Variants in LRRC37A3 observed in about 807,000 individuals in gnomAD.
LRRC37A3 encodes leucine-rich repeat-containing protein 37A3.
A neutral mutation model predicts 106.2 loss-of-function variants in LRRC37A3; 25 were observed. That is an observed-to-expected ratio of 0.24 (90% confidence interval 0.17 to 0.33). The LOEUF is 0.33. LRRC37A3 is among the 10% of genes least tolerant of loss of function. The probability of loss-of-function intolerance (pLI) is 1.00; values close to 1 mark genes in which losing one functional copy is unlikely to be tolerated. For missense variants in LRRC37A3, 712 were observed against 1,644.9 expected, an observed-to-expected ratio of 0.43 and a Z score of 9.81; for synonymous variants, 305 against 635.8, an observed-to-expected ratio of 0.48 and a Z score of 7.83.
At chr17:64,866,612 ATATATATATATATATATTT>A (rs1412014872) in intron 10 of LRRC37A3, among the ~76,000 whole-genome samples, 6 of 21,350 alleles carry the variant, frequency 2.8e-4, no homozygotes, top group African/African-American at 1.3e-3. Context: ...ATATATATAT[ATATATATATATATATATTT>A]TTTTTTTTTT....
At chr17:64,859,055 T>A (rs1024675009) in intron 12 of LRRC37A3, among the ~76,000 whole-genome samples, 172 bp from the exon 13 acceptor site, 11 of 152,050 alleles carry the variant, frequency 7.2e-5, no homozygotes, top group Non-Finnish European at 1.0e-4. Flanking sequence ...TGGGCTCAGG[T>A]GATCCTCCCA....
chr17:64,866,628 A>ATTTTTTT (rs1183521580), intron 10 of LRRC37A3, among the ~76,000 whole-genome samples: 1 of 17,868 alleles, frequency 5.6e-5, no homozygotes, highest in Non-Finnish European at 8.6e-5. Flanking sequence ...ATATATATAT[A>ATTTTTTT]TTTTTTTTTT....
Position 64,854,562 on chromosome 17 carries a change from T to A in LRRC37A3, c.*37A>T, listed in dbSNP as rs1972611070. The A allele has an allele frequency of 6.2e-7, 1 of 1,613,694 alleles. No individual in the cohort carries two copies. The highest frequency in any genetic ancestry group is 1.3e-5 in the African/African-American group (1 of 74,888). ...TGATGGCCGTTGTTTACGCTATGTATTTTTGCAGGAGGCCTGAGGTGGGCT... is the reference window on the plus strand; with the variant it reads ...TGATGGCCGTTGTTTACGCTATGTAATTTTGCAGGAGGCCTGAGGTGGGCT... On this transcript the variant is annotated 3_prime_UTR_variant, in exon 15 of 15. Coordinates refer to ENST00000584306, the MANE Select transcript of LRRC37A3 (RefSeq NM_199340.5).
At chr17:64,855,601 T>C (rs1042992969) in intron 14 of LRRC37A3, among the ~76,000 whole-genome samples, 11 of 150,902 alleles carry the variant, frequency 7.3e-5, no homozygotes, top group African/African-American at 2.5e-4. Flanking sequence ...CACTGAAAAA[T>C]GAGGGCAGAG....
intron 2 of LRRC37A3, chr17:64,909,870 G>C (rs1450903516): frequency 2.0e-5 from 3 of 152,066 alleles, no homozygotes; most frequent in Admixed American, 2.0e-4. Context: ...CACAGTCTAG[G>C]TTAAGGGAGT....
intron 13 of LRRC37A3, among the ~76,000 whole-genome samples, chr17:64,857,114 A>G (rs1336677346): frequency 6.6e-6 from 1 of 152,266 alleles, no homozygotes; most frequent in Non-Finnish European, 1.5e-5. Context: ...AAAGAAGCCT[A>G]AGAGAATCAA....
At chr17:64,859,037 G>C (rs1184531855) in intron 12 of LRRC37A3, among the ~76,000 whole-genome samples, 154 bp from the exon 13 acceptor site, 2 of 152,090 alleles carry the variant, frequency 1.3e-5, no homozygotes, top group African/African-American at 4.8e-5. Context: ...CACTAGACTC[G>C]ACCTCCCTGG....
chr17:64,899,384 C>T (rs1974236144), intron 2 of LRRC37A3, among the ~76,000 whole-genome samples: 1 of 147,226 alleles, frequency 6.8e-6, no homozygotes, highest in Non-Finnish European at 1.5e-5. Flanking sequence ...CATACCACTG[C>T]ACTCCAGCCT....
intron 2 of LRRC37A3, among the ~76,000 whole-genome samples, chr17:64,910,637 CTTTTT>C (rs926231139): frequency 2.1e-5 from 2 of 96,478 alleles, no homozygotes; most frequent in Admixed American, 2.7e-4. Flanking sequence ...ATTGTCCCCC[CTTTTT>C]TTTTTTTTTT....
intron 8 of LRRC37A3, among the ~76,000 whole-genome samples, chr17:64,876,108 A>C (rs1314838001): frequency 6.6e-6 from 1 of 152,160 alleles, no homozygotes; most frequent in Non-Finnish European, 1.5e-5. Flanking sequence ...GGCCTCAAGC[A>C]ATCCTCCTTC....
intron 10 of LRRC37A3, among the ~76,000 whole-genome samples, chr17:64,864,026 C>G (rs1218414663): frequency 2.0e-5 from 3 of 149,558 alleles, no homozygotes; most frequent in African/African-American, 7.5e-5. Flanking sequence ...ACAGAGTTTC[C>G]CCATGTTGCT....
intron 2 of LRRC37A3, among the ~76,000 whole-genome samples, chr17:64,916,960 T>C (rs1469978014): frequency 6.8e-6 from 1 of 146,988 alleles, no homozygotes; most frequent in East Asian, 2.0e-4. Flanking sequence ...AAAAAAAAAC[T>C]TGAGGCCGGG....
At chr17:64,874,678 TAC>T in intron 8 of LRRC37A3, among the ~76,000 whole-genome samples, 1 of 152,346 alleles carries the variant, frequency 6.6e-6, no homozygotes, top group South Asian at 2.1e-4. Flanking sequence ...GGGGAAAAGA[TAC>T]AGAAATCAGA....
At position 64,860,528 on chromosome 17, in the gene LRRC37A3, G is replaced by A. The variant is rs752189206; in HGVS notation, c.3618C>T (p.Leu1206=). The A allele has an allele frequency of 3.6e-5, 58 of 1,612,658 alleles. No individual in the cohort carries two copies. Among genetic ancestry groups the A allele is most frequent in the South Asian group, 2.9e-4 (26 of 91,028 alleles). Reference sequence around the variant, plus strand: ...TCAGCTCCCTTGGGGCTGGACTTCCGAGCCTTTTTTCTTCGGCAGTGTTCT... The same window carrying A: ...TCAGCTCCCTTGGGGCTGGACTTCCAAGCCTTTTTTCTTCGGCAGTGTTCT... ...SVENTAEEKR[L]GSPAPRELKQ... Residue 1206 remains leucine, a synonymous_variant, in exon 12 of 15, where the codon CTC becomes CTT. Coordinates refer to ENST00000584306, the MANE Select transcript of LRRC37A3 (RefSeq NM_199340.5).
chr17:64,887,371 A>C (rs1434811330), intron 6 of LRRC37A3, among the ~76,000 whole-genome samples: 1 of 11,298 alleles, frequency 8.9e-5, no homozygotes, highest in Non-Finnish European at 1.4e-4. Context: ...AGCCGGGCCT[A>C]GTGGCACGTG....
intron 2 of LRRC37A3, among the ~76,000 whole-genome samples, chr17:64,916,938 T>A (rs1021439164): frequency 7.1e-6 from 1 of 140,530 alleles, no homozygotes; most frequent in African/African-American, 2.6e-5. Flanking sequence ...CTTATTAAGG[T>A]GGCCAAAAAA....
intron 11 of LRRC37A3, among the ~76,000 whole-genome samples, chr17:64,861,367 A>G (rs1972863644): frequency 6.6e-6 from 1 of 152,208 alleles, no homozygotes; most frequent in Non-Finnish European, 1.5e-5. Context: ...AGAGAGCACA[A>G]GGCTCCTGCT....
chr17:64,881,394 C>T (rs928831552), intron 8 of LRRC37A3, among the ~76,000 whole-genome samples: 1 of 141,266 alleles, frequency 7.1e-6, no homozygotes, highest in Non-Finnish European at 1.5e-5. Flanking sequence ...ATCATAGATG[C>T]CCGTCCCCAT....
intron 8 of LRRC37A3, among the ~76,000 whole-genome samples, chr17:64,879,876 G>A (rs555683471): frequency 6.6e-6 from 1 of 152,152 alleles, no homozygotes; most frequent in East Asian, 1.9e-4. Context: ...ACCAGCCTGG[G>A]TAACAAAGTG....
Sources: allele counts gnomAD v4.1 joint callset (sites outside exome capture counted in the v4.1 genomes callset), GRCh38; gene constraint gnomAD v4.1.1; transcripts MANE v1.5; gene names NCBI Gene and HGNC (gene_info 2026-07-23, HGNC 2026-07-21).